NOX4: variants seen among roughly 807,000 people sequenced by gnomAD.
NOX4 encodes NADPH oxidase 4.
A neutral mutation model predicts 87.6 loss-of-function variants in NOX4; 69 were observed. The observed-to-expected ratio is 0.79, with a 90% CI of 0.65 to 0.96. The LOEUF is 0.96. NOX4 is among the 40% of genes least tolerant of loss of function. The pLI, the probability that NOX4 is intolerant of heterozygous loss-of-function variation, is 0.00. For synonymous variants in NOX4, 275 were observed against 238.2 expected (o/e 1.15, Z -1.42); for missense variants, 680 against 681.5 (o/e 1.00, Z 0.02).
intron 11 of NOX4, among the ~76,000 whole-genome samples, chr11:89,385,771 C>T (rs1373092120): frequency 6.6e-5 from 10 of 152,234 alleles, no homozygotes; most frequent in East Asian, 5.8e-4. Context: ...TCACATGACC[C>T]GAGTCAGGAA....
At chr11:89,557,553 T>C in the NOX4 span, among the ~76,000 whole-genome samples, 1 of 152,294 alleles carries the variant, frequency 6.6e-6, no homozygotes, top group East Asian at 1.9e-4. Flanking sequence ...CTGTTGACTT[T>C]TTAAACATAA....
chr11:89,565,475 CT>C, the NOX4 span, among the ~76,000 whole-genome samples: 1 of 152,010 alleles, frequency 6.6e-6, no homozygotes, highest in African/African-American at 2.4e-5. Flanking sequence ...AACCTTATAA[CT>C]TTTTTCCTCT....
At chr11:89,401,305 CT>C (rs1941840787) in intron 9 of NOX4, among the ~76,000 whole-genome samples, 1 of 152,084 alleles carries the variant, frequency 6.6e-6, no homozygotes, top group African/African-American at 2.4e-5. Flanking sequence ...ATCACTTACT[CT>C]TTGAGTGTCA....
At chr11:89,563,590 C>T in the NOX4 span, among the ~76,000 whole-genome samples, 1 of 152,078 alleles carries the variant, frequency 6.6e-6, no homozygotes, top group Non-Finnish European at 1.5e-5. Context: ...TTTTAATTCC[C>T]TGAACTCATT....
the NOX4 span, chr11:89,545,414 T>A: frequency 6.6e-6 from 1 of 152,164 alleles, no homozygotes; most frequent in Non-Finnish European, 1.5e-5. Context: ...TCCTTCGAAA[T>A]AACATTTCTA....
intron 12 of NOX4, among the ~76,000 whole-genome samples, chr11:89,362,173 G>GACACACACACACACACACAC (rs148208109): frequency 6.8e-6 from 1 of 146,918 alleles, no homozygotes; most frequent in African/African-American, 2.5e-5. Context: ...CACAGACACA[G>GACACACACACACACACACAC]ACACACACAC....
At chr11:89,469,259 C>T (rs1945829208) in intron 2 of NOX4, among the ~76,000 whole-genome samples, 1 of 151,858 alleles carries the variant, frequency 6.6e-6, no homozygotes, top group Non-Finnish European at 1.5e-5. Flanking sequence ...AACTATTGTT[C>T]AAAGGGAGTT....
intron 11 of NOX4, among the ~76,000 whole-genome samples, chr11:89,382,520 C>A (rs531171718): frequency 6.6e-6 from 1 of 152,144 alleles, no homozygotes; most frequent in South Asian, 2.1e-4. Context: ...CAATGCGACT[C>A]ATCCCAAATC....
chr11:89,336,656 A>G (rs1386479522), intron 16 of NOX4, among the ~76,000 whole-genome samples: 1 of 151,982 alleles, frequency 6.6e-6, no homozygotes, highest in Admixed American at 6.6e-5. Context: ...TGAGAACCAG[A>G]TGCAAATTAT....
At chr11:89,351,383 T>C (rs181883248) in intron 13 of NOX4, among the ~76,000 whole-genome samples, 69 of 152,320 alleles carry the variant, frequency 4.5e-4, no homozygotes, top group Middle Eastern at 3.4e-3. Flanking sequence ...CAAGTGCTGA[T>C]GGAGAAGCTG....
chr11:89,465,349 G>A (rs558292659), intron 2 of NOX4, among the ~76,000 whole-genome samples: 28 of 152,272 alleles, frequency 1.8e-4, no homozygotes, highest in African/African-American at 6.7e-4. Context: ...ATTCCATGCT[G>A]TATTTGTGCC....
chr11:89,359,706 A>C (rs752547937), intron 12 of NOX4, among the ~76,000 whole-genome samples: 1 of 151,942 alleles, frequency 6.6e-6, no homozygotes, highest in Non-Finnish European at 1.5e-5. Context: ...CCAATTCCAA[A>C]TCATTGTTTT....
At chr11:89,528,216 G>A in the NOX4 span, among the ~76,000 whole-genome samples, 4 of 152,160 alleles carry the variant, frequency 2.6e-5, no homozygotes, top group African/African-American at 9.7e-5. Context: ...CCCAATGCCT[G>A]TACACCCCTT....
chr11:89,335,484 A>T (rs1409455550), intron 17 of NOX4, among the ~76,000 whole-genome samples: 1 of 151,804 alleles, frequency 6.6e-6, no homozygotes, highest in Non-Finnish European at 1.5e-5. Flanking sequence ...TGTTAGAACT[A>T]ATTGTAAAAT....
Position 89,432,935 on chromosome 11 carries a change from G to A in NOX4, c.476-79C>T, listed in dbSNP as rs57070408. ...ACAAAAAATGATTATATTAGAATCC[G>A]AAATACTGTGCTGTTCTGTGGGAAG... On this transcript the variant is annotated intron_variant, in intron 6 of 17. Coordinates refer to ENST00000263317, the MANE Select transcript of NOX4 (RefSeq NM_016931.5). 4,087 of 919,348 alleles carry A rather than the reference G, an allele frequency of 4.4e-3. 112 individuals are homozygous for A. In the African/African-American group the frequency reaches 0.057, roughly 13 times the overall value. The allele number at this position is 919,348 out of a possible 1,614,324, so 56.9% of individuals were successfully genotyped here.
At chr11:89,383,008 T>C (rs186729251) in intron 11 of NOX4, among the ~76,000 whole-genome samples, 1 of 152,188 alleles carries the variant, frequency 6.6e-6, no homozygotes, top group Admixed American at 6.5e-5. Context: ...ATTCTCAATA[T>C]GCATTTTATC....
At chr11:89,576,043 G>A in the NOX4 span, among the ~76,000 whole-genome samples, 1 of 152,172 alleles carries the variant, frequency 6.6e-6, no homozygotes, top group Non-Finnish European at 1.5e-5. Context: ...CCAGTTTTGG[G>A]CACATGATCC....
At chr11:89,527,146 C>T in the NOX4 span, among the ~76,000 whole-genome samples, 1 of 152,102 alleles carries the variant, frequency 6.6e-6, no homozygotes, top group African/African-American at 2.4e-5. Flanking sequence ...GAACTTAGAA[C>T]TTGAGAGAGA....
chr11:89,345,621 T>C (rs1301050200), intron 13 of NOX4, among the ~76,000 whole-genome samples: 2 of 152,178 alleles, frequency 1.3e-5, no homozygotes, highest in African/African-American at 4.8e-5. Flanking sequence ...TGTCTATTGT[T>C]TCCATCTTCA....
Sources: gnomAD v4.1 joint callset for allele counts (sites outside exome capture counted in the v4.1 genomes callset) on GRCh38, gnomAD v4.1.1 for gene constraint, MANE v1.5 for transcripts, NCBI Gene and HGNC (gene_info 2026-07-23, HGNC 2026-07-21) for gene names.